Variants in GALNT18 observed in about 807,000 individuals in gnomAD.
GALNT18 encodes GalNAc-transferase 18.
GALNT18 carries 44 observed loss-of-function variants against 69.5 expected under a neutral mutation model. The observed-to-expected ratio is 0.63, with a 90% CI of 0.50 to 0.81. GALNT18 has a LOEUF of 0.81. GALNT18 is among the 40% of genes least tolerant of loss of function. The pLI, the probability that GALNT18 is intolerant of heterozygous loss-of-function variation, is 0.00. For synonymous variants in GALNT18, 364 were observed against 318.2 expected (o/e 1.14, Z -1.53); for missense variants, 715 against 810.0 (o/e 0.88, Z 1.42).
intron 3 of GALNT18, among the ~76,000 whole-genome samples, chr11:11,428,732 C>T (rs768065049): frequency 1.3e-5 from 2 of 152,170 alleles, no homozygotes; most frequent in Non-Finnish European, 2.9e-5. Context: ...CTAATATGCA[C>T]TCAGGGTCTC....
Position 11,290,547 on chromosome 11 carries a change from G to A in GALNT18, c.1677+2482C>T, listed in dbSNP as rs554182628. Among the ~76,000 whole-genome samples the A allele has an allele frequency of 3.9e-5, 6 of 152,246 alleles. No individual in the cohort carries two copies. In the East Asian group the frequency reaches 5.8e-4, roughly 15 times the overall value. ...CCAGGATCGGCCACCCCTGACTCCCGGCAGCTCCCTGAGCACAGCCTGCTT... is the reference window on the plus strand; with the variant it reads ...CCAGGATCGGCCACCCCTGACTCCCAGCAGCTCCCTGAGCACAGCCTGCTT... On this transcript the variant is annotated intron_variant, in intron 10 of 10. Coordinates refer to ENST00000227756, the MANE Select transcript of GALNT18 (RefSeq NM_198516.3).
At chr11:11,576,881 G>C (rs1858938118) in intron 1 of GALNT18, among the ~76,000 whole-genome samples, 1 of 152,218 alleles carries the variant, frequency 6.6e-6, no homozygotes, top group Non-Finnish European at 1.5e-5. Context: ...TTCATGGTGT[G>C]AACGCACACC....
chr11:11,298,905 G>T (rs1350895729), intron 9 of GALNT18, among the ~76,000 whole-genome samples: 1 of 152,194 alleles, frequency 6.6e-6, no homozygotes, highest in Non-Finnish European at 1.5e-5. Context: ...CTCCACCAAA[G>T]AGCCTTTGCA....
In GALNT18 at chr11:11,327,122, G is replaced by C. The variant is rs17435705; in HGVS notation, c.1476C>G (p.Val492=). 6.2e-7 allele frequency: 1 copy of C among 1,613,846 alleles called. No homozygotes were observed. The highest frequency in any genetic ancestry group is 8.5e-7 in the Non-Finnish European group (1 of 1,179,788). ...CLDQGPDTEN[V]PIMYICHGMT... Reference sequence around the variant, plus strand: ...TCCCATGGCAGATGTACATGATGGGGACATTCTCTGTATCTGGCCCCTGGT... The same window carrying C: ...TCCCATGGCAGATGTACATGATGGGCACATTCTCTGTATCTGGCCCCTGGT... The change falls in exon 9 of 11, where the codon GTC becomes GTG. Residue 492 remains valine, a synonymous_variant. Coordinates refer to ENST00000227756, the MANE Select transcript of GALNT18 (RefSeq NM_198516.3).
rs542296818 is a variant in GALNT18, at chr11:11,385,517, G to C, written c.596-6253C>G. The stretch of plus-strand genomic sequence containing the variant: ...TCACCATGTTAGCCAGGATGGTCTC[G>C]ATCTCCTGACCTTGTGATCTGCCCG... On this transcript the variant is annotated intron_variant, in intron 3 of 10. Coordinates refer to ENST00000227756, the MANE Select transcript of GALNT18 (RefSeq NM_198516.3). Among the ~76,000 whole-genome samples the C allele has an allele frequency of 8.5e-5, 13 of 152,136 alleles. No individual in the cohort carries two copies. The South Asian group carries it at 1.7e-3, about 19-fold the overall frequency.
Position 11,618,868 on chromosome 11 carries a change from G to A in GALNT18, c.235+2491C>T, listed in dbSNP as rs1860121643. ...CGCTTATTCCCTCCAGTTCAGCAAAGTAAACTGGATTGTTCAAAGGGCTAT... is the reference window on the plus strand; with the variant it reads ...CGCTTATTCCCTCCAGTTCAGCAAAATAAACTGGATTGTTCAAAGGGCTAT... On this transcript the variant is annotated intron_variant, in intron 1 of 10. Transcript: ENST00000227756. The surrounding 1 kb of genome is among the most constrained non-coding windows in gnomAD (Gnocchi z 6.1). Among the ~76,000 whole-genome samples the A allele has an allele frequency of 6.6e-6, 1 of 152,206 alleles. No homozygotes were observed. The highest frequency in any genetic ancestry group is 2.1e-4 in the South Asian group (1 of 4,828).
chr11:11,340,494 A>G lies in GALNT18; in HGVS notation c.1278+325T>C, dbSNP rs940174578. ...TGTAATCCAGGACCATGAAACATCT[A>G]ATGTCAGAGAAGCTGAGGACCTGGG... On this transcript the variant is annotated intron_variant, in intron 7 of 10. Coordinates refer to ENST00000227756, the MANE Select transcript of GALNT18 (RefSeq NM_198516.3). The surrounding 1 kb of genome is among the most constrained non-coding windows in gnomAD (Gnocchi z 4.2). 3.0e-4 allele frequency among the ~76,000 whole-genome samples: 46 copies of G among 152,302 alleles called. No homozygotes were observed. The highest frequency in any genetic ancestry group is 1.1e-3 in the African/African-American group (45 of 41,568).
chr11:11,296,421 G>A (rs577151770), intron 9 of GALNT18, among the ~76,000 whole-genome samples: 37 of 152,310 alleles, frequency 2.4e-4, no homozygotes, highest in African/African-American at 8.9e-4. Context: ...TGAATGCACT[G>A]TGACCTCCTT....
chr11:11,456,413 G>A (rs915954315), intron 1 of GALNT18, among the ~76,000 whole-genome samples: 1 of 152,204 alleles, frequency 6.6e-6, no homozygotes, highest in Non-Finnish European at 1.5e-5. Flanking sequence ...GGTCTGTACT[G>A]GTTCAAACTA....
chr11:11,479,155 T>C lies in GALNT18; in HGVS notation c.236-30219A>G, dbSNP rs937336854. On this transcript the variant is annotated intron_variant, in intron 1 of 10. Transcript: ENST00000227756. ...GGCTTCCCAATTCTTCCATTACTTG[T>C]ATAACCCATTCCTTAAATTCTGCCT... Among the ~76,000 whole-genome samples, 5 of 152,232 alleles carry C rather than the reference T, an allele frequency of 3.3e-5. No homozygotes were observed. The East Asian group carries it at 9.6e-4, about 29-fold the overall frequency.
chr11:11,503,782 T>C (rs1857018356), intron 1 of GALNT18, among the ~76,000 whole-genome samples: 1 of 152,214 alleles, frequency 6.6e-6, no homozygotes, highest in African/African-American at 2.4e-5. Context: ...TTTGTTGACG[T>C]AAATGTACAT....
chr11:11,515,946 G>A (rs1468939780), intron 1 of GALNT18, among the ~76,000 whole-genome samples: 1 of 152,212 alleles, frequency 6.6e-6, no homozygotes, highest in East Asian at 1.9e-4. Context: ...AGAGCTAGAG[G>A]ATCATAGTTT....
At chr11:11,440,530 C>G (rs1047122737) in intron 2 of GALNT18, among the ~76,000 whole-genome samples, 3 of 152,218 alleles carry the variant, frequency 2.0e-5, no homozygotes, top group African/African-American at 4.8e-5. Flanking sequence ...GGCAACTTTG[C>G]TCTCTAGCAA....
chr11:11,557,779 G>T (rs779701916), intron 1 of GALNT18, among the ~76,000 whole-genome samples: 16 of 152,134 alleles, frequency 1.1e-4, no homozygotes, highest in Non-Finnish European at 2.4e-4. Flanking sequence ...TCTGAGCAAG[G>T]TACTCTCATG....
Position 11,377,696 on chromosome 11 carries a change from A to G in GALNT18, c.780-317T>C, listed in dbSNP as rs545652820. On this transcript the variant is annotated intron_variant, in intron 4 of 10. Coordinates refer to ENST00000227756, the MANE Select transcript of GALNT18 (RefSeq NM_198516.3). This position sits in a 1 kb window ranked among gnomAD's most constrained non-coding sequence, Gnocchi z 4.6. Reference sequence around the variant, plus strand: ...AAAAAAAAAAAATCAAGACTCAAAAAAGAAGAAAAAGAAGAAAGAAACAGA... The same window carrying G: ...AAAAAAAAAAAATCAAGACTCAAAAGAGAAGAAAAAGAAGAAAGAAACAGA... Among the ~76,000 whole-genome samples the G allele has an allele frequency of 6.6e-6, 1 of 152,266 alleles. No homozygotes were observed. The highest frequency in any genetic ancestry group is 1.9e-4 in the East Asian group (1 of 5,178).
chr11:11,534,303 T>C (rs561464691), intron 1 of GALNT18, among the ~76,000 whole-genome samples: 23 of 152,260 alleles, frequency 1.5e-4, no homozygotes, highest in African/African-American at 5.5e-4. Flanking sequence ...GACCATGAGA[T>C]CTGCCAGAAC....
At chr11:11,408,772 C>A (rs981181044) in intron 3 of GALNT18, among the ~76,000 whole-genome samples, 1 of 152,158 alleles carries the variant, frequency 6.6e-6, no homozygotes, top group Admixed American at 6.5e-5. Context: ...CTGGAGCCTC[C>A]ACCCTCACCC....
chr11:11,519,317 C>G (rs992062185), intron 1 of GALNT18, among the ~76,000 whole-genome samples: 2 of 152,164 alleles, frequency 1.3e-5, no homozygotes, highest in Non-Finnish European at 2.9e-5. Flanking sequence ...AAGGGGGGAG[C>G]CATTACCACA....
rs536816366 is a variant in GALNT18 at position 11,508,282 on chromosome 11, G to A, written c.236-59346C>T. ...AATCATTGACATTTTTAGAGGATAC[G>A]CTATTTGAGGTAGGAGATCTTATAA... On this transcript the variant is annotated intron_variant, in intron 1 of 10. Transcript: ENST00000227756. Among the ~76,000 whole-genome samples the A allele has an allele frequency of 5.9e-4, 90 of 152,166 alleles. 1 individual carries two copies. The highest frequency in any genetic ancestry group is 2.9e-4 in the Non-Finnish European group (20 of 68,016).
Sources: gnomAD v4.1 joint callset for allele counts (sites outside exome capture counted in the v4.1 genomes callset) on GRCh38, gnomAD v4.1.1 for gene constraint, Gnocchi (gnomAD v3.1) non-coding constraint, MANE v1.5 for transcripts, NCBI Gene and HGNC (gene_info 2026-07-23, HGNC 2026-07-21) for gene names.